PCDHGB2: variants seen among roughly 807,000 people sequenced by gnomAD.
PCDHGB2 encodes the protein protocadherin gamma-B2.
Under a neutral mutation model 59.3 loss-of-function variants are expected in PCDHGB2, and 55 were observed. The ratio of observed to expected loss-of-function variants is 0.93; its 90% CI spans 0.75 to 1.16. The LOEUF (loss-of-function observed/expected upper bound fraction) is 1.16. Ranked by LOEUF, PCDHGB2 falls within the 50% of genes most tolerant of loss-of-function variation. The pLI is 0.00. For missense variants in PCDHGB2, 1,228 were observed against 1,198.5 expected (o/e 1.02, Z -0.36); for synonymous variants, 516 against 512.0 (o/e 1.01, Z -0.11).
chr5:141,382,534 T>G (rs1284471897), intron 1 of PCDHGB2, among the ~76,000 whole-genome samples: 1 of 152,218 alleles, frequency 6.6e-6, no homozygotes, highest in Non-Finnish European at 1.5e-5. Context: ...TAAAATGGAT[T>G]TTTAATTATC....
chr5:141,412,041 T>G (rs2095531468), intron 1 of PCDHGB2: 1 of 152,108 alleles, frequency 6.6e-6, no homozygotes, highest in Non-Finnish European at 1.5e-5. Context: ...GTGAAAGAAG[T>G]GAACTTCTAT....
At chr5:141,370,402 A>G (rs541569664) in intron 1 of PCDHGB2, 2 of 1,554,130 alleles carry the variant, frequency 1.3e-6, no homozygotes, top group Non-Finnish European at 8.7e-7. Flanking sequence ...GGGATGGGAA[A>G]TAGCTCCGGA....
In PCDHGB2 at chr5:141,433,028, G is replaced by T. The variant is rs539293579; in HGVS notation, c.2422-61779G>T. 27 of 1,614,116 alleles carry T rather than the reference G, an allele frequency of 1.7e-5. No individual in the cohort carries two copies. The highest frequency in any genetic ancestry group is 6.7e-5 in the Admixed American group (4 of 60,018). On this transcript the variant is annotated intron_variant, in intron 1 of 3. Coordinates refer to ENST00000522605, the MANE Select transcript of PCDHGB2 (RefSeq NM_018923.3). ...TTTCCTGCAGACCTATTCCCACGAG[G>T]TTTCCCTCACCACGGACTCGCGGAA...
rs60063068 is a variant in PCDHGB2, at chr5:141,477,262, C to T, written c.2422-17545C>T. The T allele has an allele frequency of 1.9e-4, 313 of 1,614,138 alleles. No individual in the cohort carries two copies. In the African/African-American group the frequency reaches 3.7e-3, roughly 19 times the overall value. On this transcript the variant is annotated intron_variant, in intron 1 of 3. Coordinates refer to ENST00000522605, the MANE Select transcript of PCDHGB2 (RefSeq NM_018923.3). This position sits in a 1 kb window ranked among gnomAD's most constrained non-coding sequence, Gnocchi z 4.9. ...TCAGTGTGACTGACCTGGATGCTGG[C>T]GAGAACGGGCTGGTGACCTGCGAAG...
chr5:141,405,437 T>A, intron 1 of PCDHGB2: 1 of 1,433,230 alleles, frequency 7.0e-7, no homozygotes, highest in Non-Finnish European at 9.6e-7. Context: ...GTTTTGTTTT[T>A]GAGACAGAGT....
At chr5:141,375,298 G>A in intron 1 of PCDHGB2, 3 of 1,613,794 alleles carry the variant, frequency 1.9e-6, no homozygotes, top group Non-Finnish European at 1.7e-6. Flanking sequence ...ATCGATTAGT[G>A]ACAAATGCAG....
At chr5:141,400,112 A>G in intron 1 of PCDHGB2, 1 of 1,614,034 alleles carries the variant, frequency 6.2e-7, no homozygotes. Context: ...GTCTTTGCTG[A>G]CAGCTTGCAG....
chr5:141,451,358 T>C (rs537863729), intron 1 of PCDHGB2, among the ~76,000 whole-genome samples: 1 of 152,326 alleles, frequency 6.6e-6, no homozygotes, highest in African/African-American at 2.4e-5. Flanking sequence ...CAACAGAGGA[T>C]GGATCCGCTT....
chr5:141,421,926 C>T, intron 1 of PCDHGB2: 1 of 1,613,460 alleles, frequency 6.2e-7, no homozygotes, highest in Non-Finnish European at 8.5e-7. Context: ...GTGTGGTGGT[C>T]CTCGATGTAA....
intron 2 of PCDHGB2, among the ~76,000 whole-genome samples, chr5:141,499,879 G>C (rs1470090790): frequency 9.2e-5 from 14 of 151,952 alleles, no homozygotes. Flanking sequence ...GTACAAACAG[G>C]GTTTCGCCAT....
At chr5:141,423,800 T>A in intron 1 of PCDHGB2, 2 of 895,132 alleles carry the variant, frequency 2.2e-6, no homozygotes, top group Non-Finnish European at 2.9e-6. Flanking sequence ...TTTAGAGCAA[T>A]ACATGTGAGT....
intron 2 of PCDHGB2, among the ~76,000 whole-genome samples, chr5:141,496,767 T>C (rs2099771224): frequency 6.6e-6 from 1 of 152,040 alleles, no homozygotes; most frequent in Non-Finnish European, 1.5e-5. Flanking sequence ...ATCGAGCATC[T>C]ACTATGAGCA....
intron 1 of PCDHGB2, chr5:141,371,069 C>T (rs1417206970): frequency 3.1e-6 from 5 of 1,613,908 alleles, no homozygotes; most frequent in South Asian, 1.1e-5. Context: ...GAAGCTGTAC[C>T]ACCCAGATCA....
At chr5:141,495,697 A>G (rs1010733016) in intron 2 of PCDHGB2, among the ~76,000 whole-genome samples, 1 of 152,086 alleles carries the variant, frequency 6.6e-6, no homozygotes, top group Non-Finnish European at 1.5e-5. Flanking sequence ...AGTGCTCAAT[A>G]AATGTGGAGT....
In PCDHGB2 at chr5:141,489,104, A is replaced by C; in HGVS notation, c.2422-5703A>C. The stretch of plus-strand genomic sequence containing the variant: ...CCACTCGGTGACTAAGAACTGCTGC[A>C]AGCAGGCAAACCTCCGAGCAGTTTT... On this transcript the variant is annotated intron_variant, in intron 1 of 3. Coordinates refer to ENST00000522605, the MANE Select transcript of PCDHGB2 (RefSeq NM_018923.3). The surrounding 1 kb of genome is among the most constrained non-coding windows in gnomAD (Gnocchi z 4.5). 2.5e-6 allele frequency: 1 copy of C among 405,816 alleles called. No individual in the cohort carries two copies. Among genetic ancestry groups the C allele is most frequent in the Non-Finnish European group, 4.3e-6 (1 of 232,372 alleles). 25.1% of individuals were successfully genotyped at this position (405,816 alleles called of 1,614,324 possible). A position where few individuals can be genotyped will look rare whatever the true frequency, so the allele number is the denominator to read the frequency against.
chr5:141,476,747 C>A lies in PCDHGB2; in HGVS notation c.2422-18060C>A. 1 of 1,614,066 alleles carries A rather than the reference C, an allele frequency of 6.2e-7. No homozygotes were observed. The highest frequency in any genetic ancestry group is 1.3e-5 in the African/African-American group (1 of 75,074). On this transcript the variant is annotated intron_variant, in intron 1 of 3. Transcript: ENST00000522605. The surrounding 1 kb of genome is among the most constrained non-coding windows in gnomAD (Gnocchi z 7.6). ...GGACCGAGAACGGGAGCCTAGTCTCCAGTTAGTGCTGACGGCGTTGGACGG... is the reference window on the plus strand; with the variant it reads ...GGACCGAGAACGGGAGCCTAGTCTCAAGTTAGTGCTGACGGCGTTGGACGG...
chr5:141,364,478 A>G (rs1225637792), intron 1 of PCDHGB2: 1 of 1,613,934 alleles, frequency 6.2e-7, no homozygotes, highest in Non-Finnish European at 8.5e-7. Context: ...CAACATAGCC[A>G]AGGACCTTGG....
chr5:141,403,950 T>C (rs771679747), intron 1 of PCDHGB2: 13 of 1,613,706 alleles, frequency 8.1e-6, no homozygotes, highest in Non-Finnish European at 1.1e-5. Context: ...TGGACAAAAG[T>C]GCTCATTTCG....
At chr5:141,375,525 T>C (rs1027901003) in intron 1 of PCDHGB2, 13 of 1,613,866 alleles carry the variant, frequency 8.1e-6, no homozygotes, top group African/African-American at 1.3e-5. Context: ...GACCCTGACG[T>C]GGACCAGAAC....
Sources: allele counts gnomAD v4.1 joint callset (sites outside exome capture counted in the v4.1 genomes callset), GRCh38; gene constraint gnomAD v4.1.1; non-coding constraint Gnocchi (gnomAD v3.1); transcripts MANE v1.5; gene names NCBI Gene and HGNC (gene_info 2026-07-23, HGNC 2026-07-21).